Variants in KANSL1L observed in about 807,000 individuals in gnomAD.
The protein encoded by KANSL1L is KAT8 regulatory NSL complex subunit 1 like, also known as KAT8 regulatory NSL complex subunit 1-like protein.
Under a neutral mutation model 108.6 loss-of-function variants are expected in KANSL1L, and 25 were observed. The ratio of observed to expected loss-of-function variants is 0.23; its 90% CI spans 0.17 to 0.32. The LOEUF (loss-of-function observed/expected upper bound fraction) is 0.32. Ranked by LOEUF, KANSL1L falls within the 10% of genes least tolerant of loss-of-function variation. The probability of loss-of-function intolerance (pLI) is 1.00; values close to 1 mark genes in which losing one functional copy is unlikely to be tolerated. For synonymous variants in KANSL1L, 405 were observed against 395.1 expected, an observed-to-expected ratio of 1.03 and a Z score of -0.30; for missense variants, 1,137 against 1,125.7, an observed-to-expected ratio of 1.01 and a Z score of -0.14.
At position 210,140,007 on chromosome 2, in the gene KANSL1L, C is replaced by T. The variant is rs187621815; in HGVS notation, c.1089-10835G>A. Among the ~76,000 whole-genome samples the T allele has an allele frequency of 2.6e-5, 4 of 152,112 alleles. No homozygotes were observed. In the East Asian group the frequency reaches 5.8e-4, roughly 22 times the overall value. On this transcript the variant is annotated intron_variant, in intron 2 of 14. Transcript: ENST00000281772. ...ATCCACCGGGCTACACCTCCTTGGC[C>T]ACTTTGCCCATTTTTTAATCAGGTT... is the stretch of plus-strand genomic sequence containing the variant.
At chr2:210,070,093 T>A (rs1269508204) in intron 6 of KANSL1L, among the ~76,000 whole-genome samples, 1 of 151,838 alleles carries the variant, frequency 6.6e-6, no homozygotes, top group Non-Finnish European at 1.5e-5. Context: ...CCTCCCAAAG[T>A]GCTGAGATTA....
At chr2:210,070,731 T>C (rs1412518927) in intron 6 of KANSL1L, among the ~76,000 whole-genome samples, 1 of 152,212 alleles carries the variant, frequency 6.6e-6, no homozygotes. Flanking sequence ...GGAAGTCAAA[T>C]CAAGATGTCA....
chr2:210,168,180 A>T (rs1051979040), intron 1 of KANSL1L, among the ~76,000 whole-genome samples: 9 of 152,064 alleles, frequency 5.9e-5, no homozygotes, highest in Admixed American at 5.9e-4. Flanking sequence ...TAATTGTCCA[A>T]TAAATGTCAC....
chr2:210,098,722 C>T lies in KANSL1L; in HGVS notation c.1429-515G>A, dbSNP rs541656243. 7.2e-5 allele frequency among the ~76,000 whole-genome samples: 11 copies of T among 152,062 alleles called. No individual in the cohort carries two copies. The South Asian group carries it at 2.3e-3, about 32-fold the overall frequency. Reference sequence around the variant, plus strand: ...AAAGATTAAGTAGCTTGATCAAGGGCTATAAAGCTGGTATGAAATAGAACT... The same window carrying T: ...AAAGATTAAGTAGCTTGATCAAGGGTTATAAAGCTGGTATGAAATAGAACT... On this transcript the variant is annotated intron_variant, in intron 4 of 14. Transcript: ENST00000281772.
In KANSL1L at chr2:210,022,950, C is replaced by T. The variant is rs1575338013; in HGVS notation, c.2963G>A (p.Ter988=). 1 of 1,600,776 alleles carries T rather than the reference C, an allele frequency of 6.2e-7. No individual in the cohort carries two copies. The highest frequency in any genetic ancestry group is 8.6e-7 in the Non-Finnish European group (1 of 1,168,088). ...LGLTNVKKNR[*] ...ATAGTTTTCTTAACCTGTTCCCTGTCACCTATTTTTTTTAACATTAGTAAG... is the reference window on the plus strand; with the variant it reads ...ATAGTTTTCTTAACCTGTTCCCTGTTACCTATTTTTTTTAACATTAGTAAG... The change falls in exon 15 of 15, where the codon TGA becomes TAA. Residue 988 remains the stop codon, a stop_retained_variant. Transcript: ENST00000281772.
chr2:210,155,481 G>A (rs2095328047), intron 1 of KANSL1L, among the ~76,000 whole-genome samples: 2 of 152,146 alleles, frequency 1.3e-5, no homozygotes, highest in Non-Finnish European at 2.9e-5. Flanking sequence ...TTAAAAATAT[G>A]TGATAGTAAA....
chr2:210,079,932 G>T (rs1333770333), intron 5 of KANSL1L: 1 of 151,084 alleles, frequency 6.6e-6, no homozygotes, highest in Non-Finnish European at 1.5e-5. Flanking sequence ...GGATGGGGAA[G>T]TAGTGAGAGT....
At chr2:210,053,498 GA>G (rs765318056) in intron 6 of KANSL1L, among the ~76,000 whole-genome samples, 3 of 152,178 alleles carry the variant, frequency 2.0e-5, no homozygotes, top group East Asian at 3.9e-4. Context: ...TTGAGGGGCT[GA>G]GGCAGGAGAA....
intron 13 of KANSL1L, 75 bp downstream of exon 13, chr2:210,025,029 C>T: frequency 1.1e-6 from 1 of 910,806 alleles, no homozygotes; most frequent in Non-Finnish European, 1.8e-6. Flanking sequence ...TTACTGGTCT[C>T]ACCCAAAATT....
chr2:210,027,984 A>G (rs1221923867), intron 11 of KANSL1L, among the ~76,000 whole-genome samples: 1 of 152,220 alleles, frequency 6.6e-6, no homozygotes, highest in Non-Finnish European at 1.5e-5. Flanking sequence ...ATAGAGATGT[A>G]TAGCAATTGA....
At chr2:210,140,412 A>G (rs994447641) in intron 2 of KANSL1L, among the ~76,000 whole-genome samples, 2 of 152,172 alleles carry the variant, frequency 1.3e-5, no homozygotes, top group South Asian at 4.1e-4. Context: ...TGAAAAGACT[A>G]TCCCTTCCTC....
intron 5 of KANSL1L, chr2:210,088,356 T>C (rs1481327393): frequency 6.6e-6 from 1 of 152,224 alleles, no homozygotes; most frequent in African/African-American, 2.4e-5. Flanking sequence ...ATCCTGTCAA[T>C]TGTCAGAAGA....
Position 210,023,023 on chromosome 2 carries a change from T to C in KANSL1L, c.2890A>G (p.Lys964Glu). Residue 964 changes from lysine to glutamate, a missense_variant, in exon 15 of 15, where the codon AAA becomes GAA. This residue lies in a region of KANSL1L where 575 missense variants were observed against 567.1 expected (regional missense o/e 1.01). Transcript: ENST00000281772. ...TCTTCCATTCCATCTGACTGCTTTT[T>C]TGGATGGTGGCCATTCTCTGGTACA... is the stretch of plus-strand genomic sequence containing the variant. Reference protein sequence around the residue: ...TSVPENGHHPKKQSDGMEEYK... With the variant: ...TSVPENGHHPEKQSDGMEEYK... 8 of 1,614,060 alleles carry C rather than the reference T, an allele frequency of 5.0e-6. No individual in the cohort carries two copies. The highest frequency in any genetic ancestry group is 5.9e-6 in the Non-Finnish European group (7 of 1,179,946).
chr2:210,112,456 A>G (rs1402939001), intron 3 of KANSL1L, among the ~76,000 whole-genome samples: 1 of 152,190 alleles, frequency 6.6e-6, no homozygotes, highest in Non-Finnish European at 1.5e-5. Flanking sequence ...TTAAAGTGCT[A>G]AAGAAAAATA....
At chr2:210,134,792 C>T (rs946613633) in intron 2 of KANSL1L, among the ~76,000 whole-genome samples, 1 of 152,074 alleles carries the variant, frequency 6.6e-6, no homozygotes, top group Admixed American at 6.6e-5. Flanking sequence ...ACCTACATTT[C>T]GGAGGGAACT....
chr2:210,087,995 A>C (rs972897942), intron 5 of KANSL1L, among the ~76,000 whole-genome samples: 14 of 151,958 alleles, frequency 9.2e-5, no homozygotes, highest in Non-Finnish European at 1.9e-4. Flanking sequence ...TCACAACTAG[A>C]CTTTATATCA....
chr2:210,073,770 CACAA>C (rs1030604643), intron 6 of KANSL1L, among the ~76,000 whole-genome samples: 27 of 133,498 alleles, frequency 2.0e-4, no homozygotes, highest in East Asian at 4.2e-4. Context: ...CTAGGAAACA[CACAA>C]ACACACACAC....
chr2:210,149,608 T>C lies in KANSL1L; in HGVS notation c.1088+3887A>G, dbSNP rs560104395. Among the ~76,000 whole-genome samples the C allele has an allele frequency of 5.9e-3, 903 of 152,124 alleles. 6 individuals are homozygous for C. Among genetic ancestry groups the C allele is most frequent in the Non-Finnish European group, 0.011 (719 of 67,912 alleles). The stretch of plus-strand genomic sequence containing the variant: ...CAAAAATAAACTTAAAATAAACTTA[T>C]AAGGATATTTTAAATTTAAAAATGT... On this transcript the variant is annotated intron_variant, in intron 2 of 14. Transcript: ENST00000281772.
At chr2:210,149,613 A>G (rs1181479559) in intron 2 of KANSL1L, among the ~76,000 whole-genome samples, 1 of 152,058 alleles carries the variant, frequency 6.6e-6, no homozygotes, top group Non-Finnish European at 1.5e-5. Context: ...ACTTATAAGG[A>G]TATTTTAAAT....
Sources: allele counts gnomAD v4.1 joint callset (sites outside exome capture counted in the v4.1 genomes callset), GRCh38; gene constraint gnomAD v4.1.1; regional missense constraint gnomAD v4.1.1; transcripts MANE v1.5; gene names NCBI Gene and HGNC (gene_info 2026-07-23, HGNC 2026-07-21).